Variants in STAT2 observed in about 807,000 individuals in gnomAD.
STAT2 encodes interferon alpha induced transcriptional activator.
In STAT2, 51 loss-of-function variants were observed where a neutral mutation model predicts 122.3. The ratio of observed to expected loss-of-function variants is 0.42; its 90% CI spans 0.33 to 0.53. The LOEUF (loss-of-function observed/expected upper bound fraction) is 0.53, where lower values mean the gene tolerates loss of function less well. STAT2 is among the 20% of genes least tolerant of loss of function. STAT2 has a pLI of 0.10. For missense variants in STAT2, 736 were observed against 1,010.3 expected (o/e 0.73, Z 3.68); for synonymous variants, 351 against 394.9 (o/e 0.89, Z 1.32).
chr12:56,357,112 T>C (rs959458540), intron 1 of STAT2, among the ~76,000 whole-genome samples: 14 of 149,786 alleles, frequency 9.3e-5, no homozygotes, highest in Non-Finnish European at 1.8e-4. Flanking sequence ...TCTTGGCTCA[T>C]TGCAACCACC....
At position 56,342,266 on chromosome 12, in the gene STAT2, A is replaced by G. The variant is rs1876698492; in HGVS notation, c.*1123T>C. The G allele has an allele frequency of 6.7e-6, 1 of 148,850 alleles. No individual in the cohort carries two copies. Among genetic ancestry groups the G allele is most frequent in the Non-Finnish European group, 1.5e-5 (1 of 67,538 alleles). The allele number at this position is 148,850 out of a possible 1,614,324, so 9.2% of individuals were successfully genotyped here. On this transcript the variant is annotated 3_prime_UTR_variant, in exon 24 of 24. Coordinates refer to ENST00000314128, the MANE Select transcript of STAT2 (RefSeq NM_005419.4). The stretch of plus-strand genomic sequence containing the variant: ...AGCCGAGATCACACCATTGCACTCC[A>G]GCCTGGACAACAAGAGAGAAACTCC...
At chr12:56,346,339 C>A (rs536611664) in intron 21 of STAT2, 103 bp downstream of exon 21, 2 of 1,560,614 alleles carry the variant, frequency 1.3e-6, no homozygotes, top group African/African-American at 1.4e-5. Flanking sequence ...TCCCTTAATT[C>A]CTCTAGATAT....
At chr12:56,350,298 T>C (rs1189283728) in intron 12 of STAT2, 108 bp from the exon 13 acceptor site, 1 of 1,443,788 alleles carries the variant, frequency 6.9e-7, no homozygotes, top group East Asian at 2.3e-5. Flanking sequence ...GCCATCTCCC[T>C]TTGTCCATAT....
chr12:56,358,428 T>G (rs1879863488), intron 1 of STAT2, among the ~76,000 whole-genome samples: 1 of 151,932 alleles, frequency 6.6e-6, no homozygotes, highest in African/African-American at 2.4e-5. Context: ...GTATTTTTAG[T>G]AGAGATGGGG....
Position 56,351,129 on chromosome 12 carries a change from T to G in STAT2, c.1003A>C (p.Lys335Gln). Residue 335 changes from lysine (K) to glutamine (Q), a missense_variant, in exon 10 of 24, where the codon AAG becomes CAG. Lys to Gln is a moderately conservative substitution (Grantham distance 53). Coordinates refer to ENST00000314128, the MANE Select transcript of STAT2 (RefSeq NM_005419.4). ...CGGACGGTGAACTTGCTGCCAGTCTTGAGGATGAGGGGTCGATGGGGAGTT... is the reference window on the plus strand; with the variant it reads ...CGGACGGTGAACTTGCTGCCAGTCTGGAGGATGAGGGGTCGATGGGGAGTT... Reference protein sequence around the residue: ...PQTPHRPLILKTGSKFTVRTR... With the variant: ...PQTPHRPLILQTGSKFTVRTR... 6.2e-7 allele frequency: 1 copy of G among 1,613,974 alleles called. No homozygotes were observed. Among genetic ancestry groups the G allele is most frequent in the Non-Finnish European group, 8.5e-7 (1 of 1,179,980 alleles).
chr12:56,358,239 T>C (rs1228470020), intron 1 of STAT2, among the ~76,000 whole-genome samples: 1 of 151,556 alleles, frequency 6.6e-6, no homozygotes, highest in African/African-American at 2.4e-5. Context: ...AGCTTTTTTT[T>C]TTCTTTTTTT....
rs761698981 is a variant in STAT2 at position 56,351,196 on chromosome 12, G to A, written c.942-6C>T. The A allele has an allele frequency of 4.3e-6, 7 of 1,613,442 alleles. No individual in the cohort carries two copies. The East Asian group carries it at 1.3e-4, about 31-fold the overall frequency. On this transcript the variant is annotated splice_polypyrimidine_tract_variant and splice_region_variant and intron_variant, in intron 9 of 23. Coordinates refer to ENST00000314128, the MANE Select transcript of STAT2 (RefSeq NM_005419.4). Reference sequence around the variant, plus strand: ...GGGTTTCTACCACAAAGGCTCTGAGGAGAGAGAGGTGTGGAGAGAATATAT... The same window carrying A: ...GGGTTTCTACCACAAAGGCTCTGAGAAGAGAGAGGTGTGGAGAGAATATAT...
rs1482708314 is a variant in STAT2 at position 56,354,487 on chromosome 12, C to T, written c.761G>A (p.Gly254Glu). 3.1e-6 allele frequency: 5 copies of T among 1,614,040 alleles called. No homozygotes were observed. Among genetic ancestry groups the T allele is most frequent in the Non-Finnish European group, 3.4e-6 (4 of 1,180,028 alleles). ...KACIRAPIDH[G>E]LEQLETWFTA... is the part of the protein sequence containing the mutation. ...TCACCATGTCTCCAGCTGTTCCAAC[C>T]CGTGGTCAATGGGAGCTCTGATGCA... is the stretch of plus-strand genomic sequence containing the variant. Residue 254 changes from glycine (G) to glutamate (E), a missense_variant, in exon 8 of 24, where the codon GGG becomes GAG. Physicochemically the swap from Gly to Glu is moderately conservative, Grantham distance 98. Coordinates refer to ENST00000314128, the MANE Select transcript of STAT2 (RefSeq NM_005419.4).
rs1015851160 is a variant in STAT2 at position 56,356,992 on chromosome 12, G to A, written c.-7-414C>T. ...GAAATGCTCACTGGAGCATTTTGGAGCCAAATTTTTCAGATTAGGAATGCC... is the reference window on the plus strand; with the variant it reads ...GAAATGCTCACTGGAGCATTTTGGAACCAAATTTTTCAGATTAGGAATGCC... On this transcript the variant is annotated intron_variant, in intron 1 of 23. Transcript: ENST00000314128. Among the ~76,000 whole-genome samples the A allele has an allele frequency of 1.1e-4, 16 of 146,436 alleles. 2 individuals are homozygous for A. The highest frequency in any genetic ancestry group is 3.8e-4 in the African/African-American group (15 of 39,624).
chr12:56,350,096 C>A lies in STAT2; in HGVS notation c.1209+1G>T. On this transcript the variant is annotated splice_donor_variant, in intron 13 of 23. Transcript: ENST00000314128. LOFTEE classifies it high-confidence loss of function. ...AAGCATAGGTCACAAACTATTCTTACCAGGTAACCAAAGTCCCAAATCAAA... is the reference window on the plus strand; with the variant it reads ...AAGCATAGGTCACAAACTATTCTTAACAGGTAACCAAAGTCCCAAATCAAA... 1 of 1,609,642 alleles carries A rather than the reference C, an allele frequency of 6.2e-7. No individual in the cohort carries two copies. The highest frequency in any genetic ancestry group is 8.5e-7 in the Non-Finnish European group (1 of 1,177,638).
intron 19 of STAT2, among the ~76,000 whole-genome samples, chr12:56,348,087 G>GTTT (rs745864117): frequency 0.034 from 4,025 of 119,506 alleles, 131 homozygotes; most frequent in Non-Finnish European, 0.055. Context: ...ATTATTGGTT[G>GTTT]TTTTTTTTTT....
intron 1 of STAT2, among the ~76,000 whole-genome samples, chr12:56,358,446 A>G (rs1214457892): frequency 3.3e-5 from 5 of 151,974 alleles, no homozygotes; most frequent in African/African-American, 1.2e-4. Context: ...GGGTTTCACC[A>G]TATTGTCCAG....
In STAT2 at chr12:56,346,554, G is replaced by A; in HGVS notation, c.1932C>T (p.Ile644=). Residue 644 remains isoleucine, a synonymous_variant, in exon 21 of 24, where the codon ATC becomes ATT. Transcript: ENST00000314128. The stretch of plus-strand genomic sequence containing the variant: ...CAGTGAGCAACTGGTAATGGCGGAT[G>A]ATTTCAGTCAGCGGGAGTGACTGCA... ...EVLQSLPLTE[I]IRHYQLLTEE... is the part of the protein sequence containing the mutation. 1 of 1,614,224 alleles carries A rather than the reference G, an allele frequency of 6.2e-7. No individual in the cohort carries two copies. The highest frequency in any genetic ancestry group is 1.3e-5 in the African/African-American group (1 of 75,058).
At chr12:56,359,814 A>G (rs897155036) in intron 1 of STAT2, among the ~76,000 whole-genome samples, 2 of 152,238 alleles carry the variant, frequency 1.3e-5, no homozygotes, top group African/African-American at 4.8e-5. Context: ...CCGAACCAAC[A>G]TAACAATGCC....
At chr12:56,359,312 A>G (rs1425870839) in intron 1 of STAT2, among the ~76,000 whole-genome samples, 3 of 152,066 alleles carry the variant, frequency 2.0e-5, no homozygotes, top group African/African-American at 7.2e-5. Flanking sequence ...ATGATGGCTC[A>G]TGCCTGTAAT....
At chr12:56,349,964 G>A in intron 13 of STAT2, 133 bp downstream of exon 13, 1 of 781,636 alleles carries the variant, frequency 1.3e-6, no homozygotes, top group Middle Eastern at 2.5e-4. Context: ...CAGAAGAATT[G>A]CTTGAACCCG....
At position 56,343,157 on chromosome 12, in the gene STAT2, C is replaced by T; in HGVS notation, c.*232G>A. 1 of 514,254 alleles carries T rather than the reference C, an allele frequency of 1.9e-6. No individual in the cohort carries two copies. Among genetic ancestry groups the T allele is most frequent in the Non-Finnish European group, 3.2e-6 (1 of 311,694 alleles). 31.9% of individuals were successfully genotyped at this position (514,254 alleles called of 1,614,324 possible). A position where few individuals can be genotyped will look rare whatever the true frequency, so the allele number is the denominator to read the frequency against. On this transcript the variant is annotated 3_prime_UTR_variant, in exon 24 of 24. Transcript: ENST00000314128. ...ACCTCCCAGCACAGCAGGCAGCCTC[C>T]AGGATCCTATTTAGACCTATGGCTC...
chr12:56,344,293 G>A (rs1240294009), intron 22 of STAT2, among the ~76,000 whole-genome samples, 158 bp from the exon 23 acceptor site: 3 of 152,214 alleles, frequency 2.0e-5, no homozygotes, highest in Non-Finnish European at 4.4e-5. Flanking sequence ...TCCTGGCTGG[G>A]GGACCTTAGG....
intron 19 of STAT2, 86 bp downstream of exon 19, chr12:56,348,443 C>T: frequency 1.4e-6 from 2 of 1,405,576 alleles, no homozygotes; most frequent in Non-Finnish European, 2.0e-6. Context: ...TGCTCTCTCT[C>T]CCTGCTTGCC....
Sources: gnomAD v4.1 joint callset for allele counts (sites outside exome capture counted in the v4.1 genomes callset) on GRCh38, gnomAD v4.1.1 for gene constraint, MANE v1.5 for transcripts, NCBI Gene and HGNC (gene_info 2026-07-23, HGNC 2026-07-21) for gene names.